Variants in FASLG observed in about 807,000 individuals in gnomAD.
FASLG encodes the protein Fas ligand.
Under a neutral mutation model 24.6 loss-of-function variants are expected in FASLG, and 9 were observed. The ratio of observed to expected loss-of-function variants is 0.37; its 90% CI spans 0.22 to 0.64. The LOEUF is 0.64. Ranked by LOEUF, FASLG falls within the 30% of genes least tolerant of loss-of-function variation. The pLI, the probability that FASLG is intolerant of heterozygous loss-of-function variation, is 0.64. For missense variants in FASLG, 306 were observed against 345.3 expected (o/e 0.89, Z 0.90); for synonymous variants, 130 against 135.5 (o/e 0.96, Z 0.28).
Position 172,661,042 on chromosome 1 carries a change from C to T in FASLG, c.394+902C>T, listed in dbSNP as rs558216387. ...ATGGATTAGGTGAATATGCCCAAGA[C>T]CACTGGTATGCCATTGGGGCTAGAA... On this transcript the variant is annotated intron_variant, in intron 2 of 3. Transcript: ENST00000367721. Among the ~76,000 whole-genome samples, 21 of 152,300 alleles carry T rather than the reference C, an allele frequency of 1.4e-4. 2 individuals carry two copies. Among genetic ancestry groups the T allele is most frequent in the African/African-American group, 3.4e-4 (14 of 41,562 alleles).
rs567763177 is a variant in FASLG, at chr1:172,661,324, G to A, written c.394+1184G>A. Among the ~76,000 whole-genome samples the A allele has an allele frequency of 1.6e-4, 25 of 152,296 alleles. No homozygotes were observed. The South Asian group carries it at 3.1e-3, about 19-fold the overall frequency. The stretch of plus-strand genomic sequence containing the variant: ...TGTGGCTACTGCACATGACCCAGTC[G>A]CCTGTCTACTATCCTAGACTGTTAA... On this transcript the variant is annotated intron_variant, in intron 2 of 3. Transcript: ENST00000367721.
chr1:172,659,284 C>G lies in FASLG; in HGVS notation c.83C>G (p.Thr28Arg). The G allele has an allele frequency of 6.2e-7, 1 of 1,614,188 alleles. No homozygotes were observed. Among genetic ancestry groups the G allele is most frequent in the Non-Finnish European group, 8.5e-7 (1 of 1,180,040 alleles). ...AGCTCTCCCTGGGCCCCTCCAGGCACAGTTCTTCCCTGTCCAACCTCTGTG... is the reference window on the plus strand; with the variant it reads ...AGCTCTCCCTGGGCCCCTCCAGGCAGAGTTCTTCCCTGTCCAACCTCTGTG... ...SASSPWAPPGTVLPCPTSVPR... is the reference protein window; with the variant it reads ...SASSPWAPPGRVLPCPTSVPR... Residue 28 changes from threonine to arginine, a missense_variant, in exon 1 of 4, where the codon ACA (threonine) becomes AGA (arginine). Transcript: ENST00000367721.
chr1:172,664,150 C>A (rs919116782), intron 2 of FASLG, among the ~76,000 whole-genome samples, 184 bp from the exon 3 acceptor site: 2 of 152,104 alleles, frequency 1.3e-5, no homozygotes, highest in African/African-American at 4.8e-5. Context: ...TTTTTTACCT[C>A]TTTGTTTCTG....
Position 172,659,555 on chromosome 1 carries a change from C to G in FASLG, c.348+6C>G. ...AGCTGGCAGAACTCCGAGAGGTAAGCCTGCCGGCAGACTGCTGTGCCCTGG... is the reference window on the plus strand; with the variant it reads ...AGCTGGCAGAACTCCGAGAGGTAAGGCTGCCGGCAGACTGCTGTGCCCTGG... On this transcript the variant is annotated splice_donor_region_variant and intron_variant, in intron 1 of 3. Coordinates refer to ENST00000367721, the MANE Select transcript of FASLG (RefSeq NM_000639.3). 1.2e-6 allele frequency: 2 copies of G among 1,613,182 alleles called. No homozygotes were observed. Among genetic ancestry groups the G allele is most frequent in the Non-Finnish European group, 1.7e-6 (2 of 1,179,888 alleles).
In FASLG at chr1:172,660,133, G is replaced by A; in HGVS notation, c.387G>A (p.Lys129=). The A allele has an allele frequency of 6.2e-7, 1 of 1,614,086 alleles. No individual in the cohort carries two copies. The highest frequency in any genetic ancestry group is 8.5e-7 in the Non-Finnish European group (1 of 1,179,954). The change falls in exon 2 of 4, where the codon AAG becomes AAA. Residue 129 remains lysine (K), a synonymous_variant. Transcript: ENST00000367721. ...SQMHTASSLE[K]QIGHPSPPPE... is the part of the protein sequence containing the mutation. Reference sequence around the variant, plus strand: ...TGCACACAGCATCATCTTTGGAGAAGCAAATAGGTGAGTCTTTTTTCGCAT... The same window carrying A: ...TGCACACAGCATCATCTTTGGAGAAACAAATAGGTGAGTCTTTTTTCGCAT...
chr1:172,660,490 G>A (rs986591962), intron 2 of FASLG, among the ~76,000 whole-genome samples: 5 of 152,214 alleles, frequency 3.3e-5, no homozygotes, highest in Middle Eastern at 3.2e-3. Context: ...ACACGCCAGT[G>A]GCTGTAACTC....
Position 172,659,421 on chromosome 1 carries a change from A to G in FASLG, c.220A>G (p.Arg74Gly), listed in dbSNP as rs768423838. Residue 74 changes from arginine to glycine, a missense_variant, in exon 1 of 4, where the codon AGA (arginine) becomes GGA (glycine). Physicochemically the swap from Arg to Gly is moderately radical, Grantham distance 125. Coordinates refer to ENST00000367721, the MANE Select transcript of FASLG (RefSeq NM_000639.3). ...PPLPLPPLKK[R>G]GNHSTGLCLL... ...ACTACCGCTGCCACCCCTGAAGAAG[A>G]GAGGGAACCACAGCACAGGCCTGTG... 12 of 1,613,412 alleles carry G rather than the reference A, an allele frequency of 7.4e-6. No individual in the cohort carries two copies. Among genetic ancestry groups the G allele is most frequent in the Middle Eastern group, 3.3e-4 (2 of 6,076 alleles).
rs763631988 is a variant in FASLG, at chr1:172,664,349, C to A, written c.410C>A (p.Pro137His). Residue 137 changes from proline to histidine, a missense_variant, in exon 3 of 4, where the codon CCC (proline) becomes CAC (histidine). Pro to His is a moderately conservative substitution (Grantham distance 77). Transcript: ENST00000367721. ...TATGATACAGGCCACCCCAGTCCACCCCCTGAAAAAAAGGAGCTGAGGAAA... is the reference window on the plus strand; with the variant it reads ...TATGATACAGGCCACCCCAGTCCACACCCTGAAAAAAAGGAGCTGAGGAAA... ...LEKQIGHPSP[P>H]PEKKELRKVA... 3 of 1,613,890 alleles carry A rather than the reference C, an allele frequency of 1.9e-6. No homozygotes were observed. The highest frequency in any genetic ancestry group is 2.5e-6 in the Non-Finnish European group (3 of 1,179,906).
intron 3 of FASLG, 22 bp from the exon 4 acceptor site, chr1:172,665,600 G>A (rs987040811): frequency 9.3e-6 from 15 of 1,609,018 alleles, no homozygotes; most frequent in Non-Finnish European, 1.3e-5. Context: ...CTTGTTGAAA[G>A]CTCCTTTTGG....
At chr1:172,660,762 T>C (rs1168548315) in intron 2 of FASLG, among the ~76,000 whole-genome samples, 1 of 152,170 alleles carries the variant, frequency 6.6e-6, no homozygotes, top group East Asian at 1.9e-4. Flanking sequence ...GTACCCTTGA[T>C]CACAAAGGAA....
Position 172,666,138 on chromosome 1 carries a change from C to A in FASLG, c.*122C>A. 1.7e-6 allele frequency: 2 copies of A among 1,186,350 alleles called. No individual in the cohort carries two copies. Among genetic ancestry groups the A allele is most frequent in the Non-Finnish European group, 2.4e-6 (2 of 826,326 alleles). 73.5% of individuals were successfully genotyped at this position (1,186,350 alleles called of 1,614,324 possible). A position where few individuals can be genotyped will look rare whatever the true frequency, so the allele number is the denominator to read the frequency against. The stretch of plus-strand genomic sequence containing the variant: ...AGTAAGAAGACATGAACCAAGTGGA[C>A]CTTGAGACCACAGGGTTCAAAATGT... On this transcript the variant is annotated 3_prime_UTR_variant, in exon 4 of 4. Coordinates refer to ENST00000367721, the MANE Select transcript of FASLG (RefSeq NM_000639.3).
At chr1:172,664,726 G>A (rs1350721940) in intron 3 of FASLG, among the ~76,000 whole-genome samples, 1 of 152,154 alleles carries the variant, frequency 6.6e-6, no homozygotes, top group Non-Finnish European at 1.5e-5. Context: ...TGAGGAATGA[G>A]GACTTATTTT....
In FASLG at chr1:172,659,160, A is replaced by G. The variant is rs1385812893; in HGVS notation, c.-42A>G. On this transcript the variant is annotated 5_prime_UTR_variant, in exon 1 of 4. Transcript: ENST00000367721. ...CTCAGCCTCTACAGGACTGAGAAGA[A>G]GTAAAACCGTTTGCTGGGGCTGGCC... 6.2e-7 allele frequency: 1 copy of G among 1,613,766 alleles called. No homozygotes were observed. Among genetic ancestry groups the G allele is most frequent in the South Asian group, 1.1e-5 (1 of 90,974 alleles).
Position 172,659,250 on chromosome 1 carries a change from A to G in FASLG, c.49A>G (p.Ser17Gly). 1 of 1,614,172 alleles carries G rather than the reference A, an allele frequency of 6.2e-7. No homozygotes were observed. Among genetic ancestry groups the G allele is most frequent in the Non-Finnish European group, 8.5e-7 (1 of 1,180,018 alleles). The change falls in exon 1 of 4, where the codon AGC becomes GGC. Residue 17 changes from serine (S) to glycine (G), a missense_variant. By Grantham distance (56) the Ser-to-Gly change is moderately conservative. Coordinates refer to ENST00000367721, the MANE Select transcript of FASLG (RefSeq NM_000639.3). ...YPYPQIYWVD[S>G]SASSPWAPPG... ...ATATCCCCAGATCTACTGGGTGGAC[A>G]GCAGTGCCAGCTCTCCCTGGGCCCC...
In FASLG at chr1:172,664,319, C is replaced by T. The variant is rs370579312; in HGVS notation, c.395-15C>T. On this transcript the variant is annotated splice_polypyrimidine_tract_variant and intron_variant, in intron 2 of 3. Coordinates refer to ENST00000367721, the MANE Select transcript of FASLG (RefSeq NM_000639.3). ...TTTCATTTTAACATATATTTTTCCTCTCTCTATGATACAGGCCACCCCAGT... is the reference window on the plus strand; with the variant it reads ...TTTCATTTTAACATATATTTTTCCTTTCTCTATGATACAGGCCACCCCAGT... The T allele has an allele frequency of 6.2e-7, 1 of 1,613,102 alleles. No homozygotes were observed. The highest frequency in any genetic ancestry group is 8.5e-7 in the Non-Finnish European group (1 of 1,179,458).
At chr1:172,664,237 T>TA (rs1302803320) in intron 2 of FASLG, 97 bp from the exon 3 acceptor site, 1 of 1,350,262 alleles carries the variant, frequency 7.4e-7, no homozygotes, top group Non-Finnish European at 1.0e-6. Context: ...TTTACGGTTT[T>TA]AAAATCTTTT....
chr1:172,660,223 G>A, intron 2 of FASLG, 83 bp downstream of exon 2: 1 of 1,389,986 alleles, frequency 7.2e-7, no homozygotes, highest in Non-Finnish European at 1.0e-6. Flanking sequence ...CTTAAATTCT[G>A]TCCCACACTT....
At chr1:172,664,674 G>A (rs1659219849) in intron 3 of FASLG, among the ~76,000 whole-genome samples, 1 of 152,198 alleles carries the variant, frequency 6.6e-6, no homozygotes, top group East Asian at 1.9e-4. Flanking sequence ...AAGTCCCTTG[G>A]GGGATTGGGG....
At position 172,666,084 on chromosome 1, in the gene FASLG, G is replaced by T; in HGVS notation, c.*68G>T. On this transcript the variant is annotated 3_prime_UTR_variant, in exon 4 of 4. Coordinates refer to ENST00000367721, the MANE Select transcript of FASLG (RefSeq NM_000639.3). Reference sequence around the variant, plus strand: ...AGGCACCGAGAATGTTGTATTCAGTGAGGGTCTTCTTACATGCATTTGAGG... The same window carrying T: ...AGGCACCGAGAATGTTGTATTCAGTTAGGGTCTTCTTACATGCATTTGAGG... 2.5e-6 allele frequency: 4 copies of T among 1,590,654 alleles called. No homozygotes were observed. Among genetic ancestry groups the T allele is most frequent in the Non-Finnish European group, 3.4e-6 (4 of 1,166,036 alleles).
Sources: gnomAD v4.1 joint callset for allele counts (sites outside exome capture counted in the v4.1 genomes callset) on GRCh38, gnomAD v4.1.1 for gene constraint, MANE v1.5 for transcripts, NCBI Gene and HGNC (gene_info 2026-07-23, HGNC 2026-07-21) for gene names.